FBXL18: variants seen among roughly 807,000 people sequenced by gnomAD.
FBXL18 encodes F-box/LRR-repeat protein 18.
Under a neutral mutation model 46.0 loss-of-function variants are expected in FBXL18, and 36 were observed. That is an observed-to-expected ratio of 0.78 (90% confidence interval 0.60 to 1.03). The LOEUF is 1.03. Ranked by LOEUF, FBXL18 falls within the 50% of genes least tolerant of loss-of-function variation. FBXL18 has a pLI of 0.00. For missense variants in FBXL18, 977 were observed against 1,004.1 expected (o/e 0.97, Z 0.36); for synonymous variants, 557 against 465.3 (o/e 1.20, Z -2.54).
At chr7:5,489,942 C>A (rs997748125) in intron 4 of FBXL18, 3 of 1,253,690 alleles carry the variant, frequency 2.4e-6, no homozygotes, top group African/African-American at 3.1e-5. Context: ...GAGACTCTGT[C>A]TCAAACAAAC....
intron 4 of FBXL18, among the ~76,000 whole-genome samples, chr7:5,484,699 C>T (rs1783731372): frequency 1.3e-5 from 2 of 150,154 alleles, no homozygotes; most frequent in East Asian, 2.0e-4. Context: ...AGTGCAATCG[C>T]GTGATCTTGG....
chr7:5,495,882 G>C, intron 3 of FBXL18: 1 of 479,140 alleles, frequency 2.1e-6, no homozygotes, highest in South Asian at 1.5e-5. Flanking sequence ...GCTCAGAGCA[G>C]ACGTGGTTCT....
In FBXL18 at chr7:5,505,514, G is replaced by A. The variant is rs373227601; in HGVS notation, c.135C>T (p.Ser45=). Residue 45 remains serine, a synonymous_variant, in exon 2 of 5, where the codon AGC becomes AGT. Transcript: ENST00000382368. ...ILLHILSHVP[S]TDLILNVRRT... The stretch of plus-strand genomic sequence containing the variant: ...GCCGGACGTTCAGAATCAGATCTGT[G>A]CTGGGGACGTGACTCAGGATGTGAA... 1 of 1,614,052 alleles carries A rather than the reference G, an allele frequency of 6.2e-7. No individual in the cohort carries two copies. Among genetic ancestry groups the A allele is most frequent in the Admixed American group, 1.7e-5 (1 of 59,986 alleles).
At chr7:5,471,338 G>T (rs529227918), downstream of FBXL18, among the ~76,000 whole-genome samples, 1 of 152,160 alleles carries the variant, frequency 6.6e-6, no homozygotes, top group African/African-American at 2.4e-5. Context: ...GTGCAGTGGC[G>T]CGATCTCGGC....
chr7:5,471,568 G>A (rs1423948551), downstream of FBXL18, among the ~76,000 whole-genome samples: 3 of 150,564 alleles, frequency 2.0e-5, no homozygotes, highest in Non-Finnish European at 4.4e-5. Context: ...CCGCCATCAC[G>A]CCCGGCTAAT....
Position 5,478,590 on chromosome 7 carries a change from G to GT in FBXL18, c.*3184_*3185insA, listed in dbSNP as rs1378603096. 2 of 152,304 alleles carry GT rather than the reference G, an allele frequency of 1.3e-5. No individual in the cohort carries two copies. Among genetic ancestry groups the GT allele is most frequent in the African/African-American group, 4.8e-5 (2 of 41,406 alleles). 9.4% of individuals were successfully genotyped at this position (152,304 alleles called of 1,614,324 possible). On this transcript the variant is annotated 3_prime_UTR_variant, in exon 5 of 5. Coordinates refer to ENST00000382368, the MANE Select transcript of FBXL18 (RefSeq NM_024963.6). ...CAGGAGGGGGCAGCCAGAGAGGTTG[G>GT]GGCTCTCCCTTTTAAAGAACAAAGG... is the stretch of plus-strand genomic sequence containing the variant.
chr7:5,493,517 A>G (rs896792121), intron 3 of FBXL18, among the ~76,000 whole-genome samples: 19 of 151,976 alleles, frequency 1.3e-4, no homozygotes, highest in Admixed American at 1.0e-3. Context: ...GGATGGTCTC[A>G]ATCTCCTGAC....
intron 4 of FBXL18, among the ~76,000 whole-genome samples, chr7:5,468,013 C>T (rs937504335): frequency 2.0e-5 from 3 of 149,966 alleles, no homozygotes; most frequent in Admixed American, 6.7e-5. Context: ...GATGGAATCT[C>T]GCTCTGTCGC....
intron 4 of FBXL18, among the ~76,000 whole-genome samples, chr7:5,468,147 T>A (rs1041632079): frequency 6.6e-6 from 1 of 152,106 alleles, no homozygotes; most frequent in African/African-American, 2.4e-5. Context: ...CACACCCAGC[T>A]AATTTTTCTG....
intron 2 of FBXL18, among the ~76,000 whole-genome samples, chr7:5,503,057 T>C (rs1259025268): frequency 6.6e-6 from 1 of 152,168 alleles, no homozygotes; most frequent in African/African-American, 2.4e-5. Flanking sequence ...AGATGCCAAC[T>C]GTCCACACGG....
At position 5,479,216 on chromosome 7, in the gene FBXL18, A is replaced by G. The variant is rs1384735923; in HGVS notation, c.*2559T>C. ...CAGCCTCAGGAACAGCCCTTCCCCC[A>G]GTCCTGTCTATGAGTATAAATTATG... On this transcript the variant is annotated 3_prime_UTR_variant, in exon 5 of 5. Transcript: ENST00000382368. 1 of 152,168 alleles carries G rather than the reference A, an allele frequency of 6.6e-6. No homozygotes were observed. Among genetic ancestry groups the G allele is most frequent in the African/African-American group, 2.4e-5 (1 of 41,452 alleles). The allele number at this position is 152,168 out of a possible 1,614,324, so 9.4% of individuals were successfully genotyped here.
chr7:5,459,746 A>T (rs1202639339), intron 4 of FBXL18, among the ~76,000 whole-genome samples: 1 of 151,344 alleles, frequency 6.6e-6, no homozygotes, highest in Non-Finnish European at 1.5e-5. Flanking sequence ...TCTCAAAAAA[A>T]AAAAAAAATA....
intron 4 of FBXL18, among the ~76,000 whole-genome samples, chr7:5,470,674 C>T (rs1288359080): frequency 1.3e-5 from 2 of 151,976 alleles, no homozygotes; most frequent in African/African-American, 2.4e-5. Context: ...CGACCCCCGG[C>T]CCAGAGGCTG....
intron 2 of FBXL18, among the ~76,000 whole-genome samples, chr7:5,502,890 C>A (rs1014364204): frequency 4.6e-5 from 7 of 151,896 alleles, no homozygotes; most frequent in South Asian, 2.1e-4. Flanking sequence ...CATAGGGCTA[C>A]CACATGAGCC....
At chr7:5,483,946 G>A (rs956969255) in intron 4 of FBXL18, among the ~76,000 whole-genome samples, 4 of 152,108 alleles carry the variant, frequency 2.6e-5, no homozygotes, top group South Asian at 2.1e-4. Flanking sequence ...CTGGACTCAC[G>A]ACACACAGAG....
At chr7:5,474,111 A>G (rs1179706814), downstream of FBXL18, among the ~76,000 whole-genome samples, 1 of 151,992 alleles carries the variant, frequency 6.6e-6, no homozygotes, top group Admixed American at 6.6e-5. Context: ...TTCCACTTCT[A>G]TGGGGCACCC....
intron 4 of FBXL18, chr7:5,490,166 G>T: frequency 7.4e-7 from 1 of 1,355,782 alleles, no homozygotes; most frequent in Non-Finnish European, 9.9e-7. Context: ...GGCTCTTCTC[G>T]CAACTCTGTG....
chr7:5,466,016 C>A (rs1205523180), intron 4 of FBXL18, among the ~76,000 whole-genome samples: 1 of 151,936 alleles, frequency 6.6e-6, no homozygotes. Context: ...CAAGGTTTCA[C>A]CATGTTGGGC....
downstream of FBXL18, among the ~76,000 whole-genome samples, chr7:5,475,012 T>C (rs1783487393): frequency 7.0e-6 from 1 of 143,458 alleles, no homozygotes; most frequent in Admixed American, 6.9e-5. This position sits in a 1 kb window ranked among gnomAD's most constrained non-coding sequence, Gnocchi z 4.2. Flanking sequence ...CTGGCCAAAT[T>C]ATGCACTTTA....
Sources: allele counts gnomAD v4.1 joint callset (sites outside exome capture counted in the v4.1 genomes callset), GRCh38; gene constraint gnomAD v4.1.1; non-coding constraint Gnocchi (gnomAD v3.1); transcripts MANE v1.5; gene names NCBI Gene and HGNC (gene_info 2026-07-23, HGNC 2026-07-21).